Variants in DHRS9 observed in about 807,000 individuals in gnomAD.
DHRS9 encodes the protein dehydrogenase/reductase SDR family member 9.
DHRS9 carries 18 observed loss-of-function variants against 26.6 expected under a neutral mutation model. That is an observed-to-expected ratio of 0.68 (90% CI 0.47 to 1.00). DHRS9 has a LOEUF of 1.00. DHRS9 is among the 50% of genes least tolerant of loss of function. The pLI, the probability that DHRS9 is intolerant of heterozygous loss-of-function variation, is 0.00. For missense variants in DHRS9, 425 were observed against 378.7 expected (o/e 1.12, Z -1.01); for synonymous variants, 134 against 141.1 (o/e 0.95, Z 0.36).
intron 3 of DHRS9, among the ~76,000 whole-genome samples, chr2:169,090,235 AT>A (rs1684480167): frequency 6.6e-6 from 1 of 152,118 alleles, no homozygotes; most frequent in Non-Finnish European, 1.5e-5. Flanking sequence ...TTAAAACTGT[AT>A]TTTCCCAGCA....
chr2:169,074,368 C>T, intron 1 of DHRS9: 1 of 985,394 alleles, frequency 1.0e-6, no homozygotes, highest in Non-Finnish European at 1.2e-6. Context: ...CTAACTACTG[C>T]TCTACTGCCT....
In DHRS9 at chr2:169,091,810, G is replaced by A. The variant is rs773129527; in HGVS notation, c.593G>A (p.Gly198Asp). The change falls in exon 4 of 5, where the codon GGT (glycine) becomes GAT (aspartate). Residue 198 changes from glycine (G) to aspartate (D), a missense_variant. Physicochemically the swap from Gly to Asp is moderately conservative, Grantham distance 94 (BLOSUM62 -1). Coordinates refer to ENST00000674881, the MANE Select transcript of DHRS9 (RefSeq NM_001376924.1). Reference sequence around the variant, plus strand: ...CACAGACGGGACATGAAAGCTTTTGGTGTGCACGTCTCATGCATTGAACCA... The same window carrying A: ...CACAGACGGGACATGAAAGCTTTTGATGTGCACGTCTCATGCATTGAACCA... ...DSLRRDMKAF[G>D]VHVSCIEPGL... The A allele has an allele frequency of 3.7e-6, 6 of 1,612,288 alleles. No individual in the cohort carries two copies. Among genetic ancestry groups the A allele is most frequent in the Non-Finnish European group, 5.1e-6 (6 of 1,178,870 alleles).
chr2:169,068,080 T>G (rs1330390992), upstream of DHRS9, among the ~76,000 whole-genome samples: 1 of 152,222 alleles, frequency 6.6e-6, no homozygotes, highest in Non-Finnish European at 1.5e-5. Context: ...TTTGCCCTTT[T>G]CAGTTAACAC....
At chr2:169,095,394 G>A in intron 4 of DHRS9, 150 bp from the exon 5 acceptor site, 3 of 695,362 alleles carry the variant, frequency 4.3e-6, no homozygotes, top group South Asian at 3.5e-5. Flanking sequence ...CATTTTCTGA[G>A]GAATAGATAG....
chr2:169,089,784 G>A (rs1684463345), intron 3 of DHRS9, among the ~76,000 whole-genome samples: 1 of 152,110 alleles, frequency 6.6e-6, no homozygotes, highest in African/African-American at 2.4e-5. Context: ...ATCACCTGGG[G>A]ATCTTTTCAA....
At chr2:169,075,886 T>C (rs1683948551) in intron 1 of DHRS9, among the ~76,000 whole-genome samples, 1 of 152,208 alleles carries the variant, frequency 6.6e-6, no homozygotes, top group Non-Finnish European at 1.5e-5. Flanking sequence ...ATCACTTGGT[T>C]AAGGTGGTAT....
In DHRS9 at chr2:169,081,617, T is replaced by C. The variant is rs979289566; in HGVS notation, c.36T>C (p.Cys12=). 4 of 1,614,194 alleles carry C rather than the reference T, an allele frequency of 2.5e-6. No homozygotes were observed. The highest frequency in any genetic ancestry group is 2.5e-6 in the Non-Finnish European group (3 of 1,180,040). Residue 12 remains cysteine, a synonymous_variant, in exon 2 of 5, where the codon TGT becomes TGC. Coordinates refer to ENST00000674881, the MANE Select transcript of DHRS9 (RefSeq NM_001376924.1). Reference sequence around the variant, plus strand: ...GGGTGCTAGGCCTCCTAATCCTCTGTGGTTTTCTGTGGACTCGTAAAGGAA... The same window carrying C: ...GGGTGCTAGGCCTCCTAATCCTCTGCGGTTTTCTGTGGACTCGTAAAGGAA... ...LFWVLGLLIL[C]GFLWTRKGKL...
chr2:169,084,504 A>T (rs1007525529), intron 3 of DHRS9, among the ~76,000 whole-genome samples: 1 of 152,026 alleles, frequency 6.6e-6, no homozygotes, highest in Non-Finnish European at 1.5e-5. Flanking sequence ...AGCATTTGTT[A>T]TTGCCTGTCT....
intron 1 of DHRS9, 101 bp from the exon 2 acceptor site, chr2:169,081,422 T>C: frequency 7.5e-7 from 1 of 1,332,156 alleles, no homozygotes; most frequent in Non-Finnish European, 9.8e-7. Flanking sequence ...ACTTTCTATT[T>C]ATCCACACTA....
intron 3 of DHRS9, among the ~76,000 whole-genome samples, chr2:169,088,549 T>C (rs973209282): frequency 6.6e-6 from 1 of 152,224 alleles, no homozygotes; most frequent in African/African-American, 2.4e-5. Flanking sequence ...GTGGGGAGGA[T>C]GATCAATGAA....
Position 169,083,449 on chromosome 2 carries a change from C to A in DHRS9, c.434C>A (p.Thr145Lys). 6.2e-7 allele frequency: 1 copy of A among 1,614,052 alleles called. No homozygotes were observed. Among genetic ancestry groups the A allele is most frequent in the Non-Finnish European group, 8.5e-7 (1 of 1,179,994 alleles). The change falls in exon 3 of 5, where the codon ACA (threonine) becomes AAA (lysine). Residue 145 changes from threonine (T) to lysine (K), a missense_variant. By Grantham distance (78) the Thr-to-Lys change is moderately conservative. Coordinates refer to ENST00000674881, the MANE Select transcript of DHRS9 (RefSeq NM_001376924.1). ...EVNLFGLISV[T>K]LNMLPLVKKA... is the part of the protein sequence containing the mutation. ...AACCTGTTTGGACTCATCAGTGTGA[C>A]ACTAAATATGCTTCCTTTGGTCAAG... is the stretch of plus-strand genomic sequence containing the variant.
intron 4 of DHRS9, among the ~76,000 whole-genome samples, chr2:169,093,062 G>A (rs568092955): frequency 6.6e-5 from 10 of 152,044 alleles, no homozygotes; most frequent in Non-Finnish European, 1.3e-4. Context: ...TTTCCCCTCC[G>A]CCACAAACTT....
intron 3 of DHRS9, among the ~76,000 whole-genome samples, chr2:169,091,489 C>G (rs1684524651): frequency 6.6e-6 from 1 of 152,092 alleles, no homozygotes. Flanking sequence ...TGTTCATAAC[C>G]TGAATGTCCA....
Position 169,095,945 on chromosome 2 carries a change from T to C in DHRS9, c.*178T>C. 1 of 635,102 alleles carries C rather than the reference T, an allele frequency of 1.6e-6. No individual in the cohort carries two copies. Among genetic ancestry groups the C allele is most frequent in the Non-Finnish European group, 2.7e-6 (1 of 363,988 alleles). 39.3% of individuals were successfully genotyped at this position (635,102 alleles called of 1,614,324 possible). ...GGTATCCCAGGGTCCCTGCTCAAGT[T>C]TTCTTTGAAAAGGAGGGCTGGAATG... On this transcript the variant is annotated 3_prime_UTR_variant, in exon 5 of 5. Transcript: ENST00000674881.
chr2:169,073,155 A>C (rs1338962300), intron 1 of DHRS9, among the ~76,000 whole-genome samples: 1 of 152,146 alleles, frequency 6.6e-6, no homozygotes, highest in Non-Finnish European at 1.5e-5. Context: ...CATCAACATA[A>C]TGCCAAGTAT....
At chr2:169,068,363 T>G (rs1486998038), upstream of DHRS9, among the ~76,000 whole-genome samples, 1 of 152,238 alleles carries the variant, frequency 6.6e-6, no homozygotes, top group African/African-American at 2.4e-5. Context: ...AGTCTCACGC[T>G]GTTACCCAGG....
At chr2:169,091,767 T>G (rs754045492) in intron 3 of DHRS9, 23 bp from the exon 4 acceptor site, 2 of 1,577,256 alleles carry the variant, frequency 1.3e-6, no homozygotes, top group South Asian at 2.3e-5. Context: ...GGATTAAACA[T>G]CTTCAATGGG....
chr2:169,080,806 G>A (rs1031046451), intron 1 of DHRS9, among the ~76,000 whole-genome samples: 2 of 152,112 alleles, frequency 1.3e-5, no homozygotes, highest in Admixed American at 1.3e-4. Context: ...AGAATTTGGG[G>A]ATGTGGGAGT....
chr2:169,095,734 GA>G lies in DHRS9; in HGVS notation c.930del (p.Ala311GlnfsTer89). The G allele has an allele frequency of 6.2e-7, 1 of 1,613,816 alleles. No individual in the cohort carries two copies. The highest frequency in any genetic ancestry group is 8.5e-7 in the Non-Finnish European group (1 of 1,179,854). On this transcript the variant is annotated frameshift_variant, in exon 5 of 5. Transcript: ENST00000674881. LOFTEE classifies it high-confidence loss of function. Reference protein sequence around the residue: ...ALQDFLLLKQKAELANPKAV With the variant: ...ALQDFLLLKQXAELANPKAV ...TGCAAGACTTTTTATTGTTGAAACAGAAAGCAGAGCTGGCTAATCCCAAGGC... is the reference window on the plus strand; with the variant it reads ...TGCAAGACTTTTTATTGTTGAAACAGAAGCAGAGCTGGCTAATCCCAAGGC...
Sources: allele counts gnomAD v4.1 joint callset (sites outside exome capture counted in the v4.1 genomes callset), GRCh38; gene constraint gnomAD v4.1.1; transcripts MANE v1.5; gene names NCBI Gene and HGNC (gene_info 2026-07-23, HGNC 2026-07-21).